The following ARMCX4 variants were observed in gnomAD, a reference collection of about 807,000 sequenced individuals.
ARMCX4 encodes armadillo repeat-containing X-linked protein 4.
A neutral mutation model predicts 34.7 loss-of-function variants in ARMCX4; 3 were observed. The observed-to-expected ratio is 0.09, with a 90% CI of 0.04 to 0.22. ARMCX4 has a LOEUF of 0.22. Among genes scored for constraint, ARMCX4 ranks in the 10% least tolerant of loss-of-function variants. The pLI is 1.00. For missense variants in ARMCX4, 1,448 were observed against 1,720.8 expected, an observed-to-expected ratio of 0.84 and a Z score of 2.81; for synonymous variants, 513 against 632.8, an observed-to-expected ratio of 0.81 and a Z score of 2.84.
chrX:101,519,107 C>G (rs932320466), intron 11 of ARMCX4, among the ~76,000 whole-genome samples: 2 of 111,298 alleles, frequency 1.8e-5, no homozygotes, highest in African/African-American at 6.5e-5. Context: ...TTCTCTTTCA[C>G]TTGGCTGCCT....
At chrX:101,468,994 A>G (rs6523504) in intron 4 of ARMCX4, among the ~76,000 whole-genome samples, 55,545 of 110,772 alleles carry the variant, frequency 0.5, 11,060 homozygotes, top group African/African-American at 0.75. Context: ...GAAAATATTT[A>G]CAACATATAA....
At position 101,492,526 on chromosome X, in the gene ARMCX4, G is replaced by A; in HGVS notation, c.3937G>A (p.Gly1313Ser). ...GGCTGGGACTAGTGATCAATCTGGTGGTGGGTCCAAGCCTAGATTTGAGGA... is the reference window on the plus strand; with the variant it reads ...GGCTGGGACTAGTGATCAATCTGGTAGTGGGTCCAAGCCTAGATTTGAGGA... ...SWAGTSDQSG[G>S]GSKPRFEDQA... The change falls in exon 6 of 6, where the codon GGT (glycine) becomes AGT (serine). Residue 1313 changes from glycine (G) to serine (S), a missense_variant. This residue lies in a region of ARMCX4 where 1,343 missense variants were observed against 1,540.7 expected (regional missense o/e 0.87). Transcript: ENST00000423738. 8.7e-7 allele frequency: 1 copy of A among 1,146,514 alleles called. No homozygotes were observed. The highest frequency in any genetic ancestry group is 1.2e-6 in the Non-Finnish European group (1 of 868,408). 94.5% of individuals were successfully genotyped at this position (1,146,514 alleles called of 1,213,427 possible). A position where few individuals can be genotyped will look rare whatever the true frequency, so the allele number is the denominator to read the frequency against.
At chrX:101,530,699 C>G (rs1935110402) in intron 11 of ARMCX4, among the ~76,000 whole-genome samples, 1 of 110,776 alleles carries the variant, frequency 9.0e-6, no homozygotes, top group African/African-American at 3.3e-5. Flanking sequence ...GCAAAAATAT[C>G]CTTCAAAAAT....
intron 11 of ARMCX4, among the ~76,000 whole-genome samples, chrX:101,531,109 C>T (rs1218889639): frequency 9.0e-6 from 1 of 111,719 alleles, no homozygotes; most frequent in African/African-American, 3.3e-5. Flanking sequence ...TGTCCAGCTT[C>T]TACAGGCGGC....
intron 2 of ARMCX4, among the ~76,000 whole-genome samples, chrX:101,434,104 C>A (rs1177692135): frequency 7.3e-5 from 8 of 109,667 alleles, no homozygotes; most frequent in Non-Finnish European, 1.5e-4. Context: ...TGCCACCATG[C>A]CTGCCTGTTT....
At chrX:101,448,883 C>T (rs1039304721), downstream of ARMCX4, among the ~76,000 whole-genome samples, 33 of 105,138 alleles carry the variant, frequency 3.1e-4, no homozygotes, top group African/African-American at 8.6e-4. Flanking sequence ...CGAGAGCCAC[C>T]GCGCCTGGCC....
chrX:101,430,719 A>G (rs1363183116), intron 2 of ARMCX4, among the ~76,000 whole-genome samples: 2 of 111,857 alleles, frequency 1.8e-5, no homozygotes, highest in Non-Finnish European at 1.9e-5. Flanking sequence ...CTGTCTATCC[A>G]TCTATCCATT....
chrX:101,425,954 G>T (rs886971872), intron 2 of ARMCX4, among the ~76,000 whole-genome samples: 11 of 110,564 alleles, frequency 9.9e-5, no homozygotes, highest in Admixed American at 3.9e-4. Context: ...CTGAGTAGCT[G>T]GGATTAGAGG....
chrX:101,470,593 A>G (rs1261709800), intron 4 of ARMCX4, among the ~76,000 whole-genome samples: 1 of 112,061 alleles, frequency 8.9e-6, no homozygotes, highest in Non-Finnish European at 1.9e-5. Context: ...TGCTGGGATT[A>G]TAGGTGTGAG....
chrX:101,485,276 C>T, upstream of ARMCX4: 1 of 113,015 alleles, frequency 8.8e-6, no homozygotes, highest in Non-Finnish European at 1.9e-5. Flanking sequence ...GCACCGAGCA[C>T]AGACCAGAGA....
At chrX:101,455,805 G>T (rs1159680307) in intron 4 of ARMCX4, among the ~76,000 whole-genome samples, 1 of 110,502 alleles carries the variant, frequency 9.0e-6, no homozygotes, top group Non-Finnish European at 1.9e-5. Flanking sequence ...TTCAACCCTC[G>T]CCCCCCTCCA....
In ARMCX4 at chrX:101,489,609, C is replaced by T. The variant is rs1178973118; in HGVS notation, c.1020C>T (p.Ala340=). 2.5e-5 allele frequency: 29 copies of T among 1,152,287 alleles called. No homozygotes were observed. Among genetic ancestry groups the T allele is most frequent in the Middle Eastern group, 2.3e-4 (1 of 4,299 alleles). The allele number at this position is 1,152,287 out of a possible 1,213,427, so 95.0% of individuals were successfully genotyped here. ...CCATTCCTGGGGCAAAGATTGATGC[C>T]GGGGGTAACACCAATGCCATGTGTA... ...TEAIPGAKID[A]GGNTNAMCKV... is the part of the protein sequence containing the mutation. Residue 340 remains alanine (A), a synonymous_variant, in exon 6 of 6, where the codon GCC becomes GCT. Coordinates refer to ENST00000423738, the MANE Select transcript of ARMCX4 (RefSeq NM_001256155.3).
intron 8 of ARMCX4, among the ~76,000 whole-genome samples, chrX:101,506,469 A>G (rs939608218): frequency 1.1e-4 from 12 of 110,901 alleles, no homozygotes; most frequent in Non-Finnish European, 2.1e-4. Context: ...TGGCTTGTCA[A>G]TGGCTGCTTT....
At chrX:101,513,902 T>C (rs782305990) in intron 11 of ARMCX4, among the ~76,000 whole-genome samples, 10 of 110,708 alleles carry the variant, frequency 9.0e-5, no homozygotes, top group Non-Finnish European at 1.1e-4. Context: ...TAGTGGATAT[T>C]AGTACTAGTA....
In ARMCX4 at chrX:101,491,359, G is replaced by T. The variant is rs1375344655; in HGVS notation, c.2770G>T (p.Ala924Ser). Residue 924 changes from alanine to serine, a missense_variant, in exon 6 of 6, where the codon GCC (alanine) becomes TCC (serine). Physicochemically the swap from Ala to Ser is moderately conservative, Grantham distance 99. Coordinates refer to ENST00000423738, the MANE Select transcript of ARMCX4 (RefSeq NM_001256155.3). ...CTCCCAGCGTGAGACCTTGCCTGGTGCCAGGAATAAGGTCAAGGGCAATTC... is the reference window on the plus strand; with the variant it reads ...CTCCCAGCGTGAGACCTTGCCTGGTTCCAGGAATAAGGTCAAGGGCAATTC... ...ANSQRETLPG[A>S]RNKVKGNSNA... is the part of the protein sequence containing the mutation. 1 of 1,156,058 alleles carries T rather than the reference G, an allele frequency of 8.7e-7. No individual in the cohort carries two copies. Among genetic ancestry groups the T allele is most frequent in the African/African-American group, 1.8e-5 (1 of 56,327 alleles).
chrX:101,527,852 C>A (rs1556021060), intron 11 of ARMCX4, among the ~76,000 whole-genome samples: 1 of 111,033 alleles, frequency 9.0e-6, no homozygotes, highest in East Asian at 2.8e-4. Flanking sequence ...GCCTACCAAC[C>A]AAAAAAAGTC....
downstream of ARMCX4, among the ~76,000 whole-genome samples, chrX:101,534,295 C>T (rs910338051): frequency 6.3e-5 from 7 of 111,067 alleles, no homozygotes; most frequent in Non-Finnish European, 1.3e-4. Context: ...TGTAAAGATG[C>T]CAATTATCAC....
chrX:101,448,366 G>A (rs781905787), downstream of ARMCX4, among the ~76,000 whole-genome samples: 60 of 111,799 alleles, frequency 5.4e-4, no homozygotes, highest in African/African-American at 1.8e-3. Context: ...CCCAGAAGTG[G>A]GATTGCTAGA....
intron 4 of ARMCX4, among the ~76,000 whole-genome samples, chrX:101,469,971 A>G (rs1932862607): frequency 8.9e-6 from 1 of 112,145 alleles, no homozygotes; most frequent in Non-Finnish European, 1.9e-5. Flanking sequence ...TGGCTGCAGA[A>G]CTGCCCCAGA....
Sources: gnomAD v4.1 joint callset for allele counts (sites outside exome capture counted in the v4.1 genomes callset) on GRCh38, gnomAD v4.1.1 for gene constraint, gnomAD v4.1.1 regional missense constraint, MANE v1.5 for transcripts, NCBI Gene and HGNC (gene_info 2026-07-23, HGNC 2026-07-21) for gene names.